ITPR1: variants seen among roughly 807,000 people sequenced by gnomAD.
The protein encoded by ITPR1 is inositol 1,4,5-trisphosphate-gated calcium channel ITPR1.
ITPR1 carries 96 observed loss-of-function variants against 318.4 expected under a neutral mutation model. That is an observed-to-expected ratio of 0.30 (90% CI 0.26 to 0.36). The LOEUF (loss-of-function observed/expected upper bound fraction) is 0.36. Ranked by LOEUF, ITPR1 falls within the 10% of genes least tolerant of loss-of-function variation. ITPR1 has a pLI of 1.00. For missense variants in ITPR1, 2,440 were observed against 3,460.2 expected, an observed-to-expected ratio of 0.71 and a Z score of 7.40; for synonymous variants, 1,312 against 1,289.9, an observed-to-expected ratio of 1.02 and a Z score of -0.37.
At chr3:4,794,210 A>C (rs985365605) in intron 52 of ITPR1, among the ~76,000 whole-genome samples, 1 of 152,246 alleles carries the variant, frequency 6.6e-6, no homozygotes, top group Non-Finnish European at 1.5e-5. Context: ...AAAAGAGTTC[A>C]GGGAAAAAGG....
intron 13 of ITPR1, among the ~76,000 whole-genome samples, chr3:4,658,569 C>T (rs905379790): frequency 3.3e-5 from 5 of 150,534 alleles, no homozygotes; most frequent in Admixed American, 1.3e-4. Context: ...CTTCCCCAAA[C>T]CTTGGGAGAG....
rs146988553 is a variant in ITPR1 at position 4,627,147 on chromosome 3, T to A, written c.164-616T>A. Among the ~76,000 whole-genome samples, 606 of 149,914 alleles carry A rather than the reference T, an allele frequency of 4.0e-3. 4 individuals are homozygous for A. Among genetic ancestry groups the A allele is most frequent in the Middle Eastern group, 0.02 (6 of 294 alleles). On this transcript the variant is annotated intron_variant, in intron 4 of 61. Transcript: ENST00000649015. Reference sequence around the variant, plus strand: ...GTAATATTTTTTCTAAATTGAATAGTACTGAAGAGAGTTGGATTTGTATAA... The same window carrying A: ...GTAATATTTTTTCTAAATTGAATAGAACTGAAGAGAGTTGGATTTGTATAA...
intron 51 of ITPR1, among the ~76,000 whole-genome samples, chr3:4,787,657 C>T (rs1033197859): frequency 6.6e-5 from 10 of 152,006 alleles, no homozygotes; most frequent in Non-Finnish European, 1.2e-4. Context: ...AAGATCGCAC[C>T]ACTGCACTCT....
intron 24 of ITPR1, among the ~76,000 whole-genome samples, chr3:4,679,883 G>A (rs1253724919): frequency 6.6e-6 from 1 of 152,194 alleles, no homozygotes; most frequent in Non-Finnish European, 1.5e-5. Flanking sequence ...ATGGCCACTG[G>A]ACTGGGAAAG....
Position 4,669,634 on chromosome 3 carries a change from TTGTTTC to T in ITPR1, c.1887-8_1887-3del, listed in dbSNP as rs766242846. On this transcript the variant is annotated splice_polypyrimidine_tract_variant and intron_variant, in intron 18 of 61. Transcript: ENST00000649015. ...CTCTGCTCTATCTACAGAAAATGTT[TTGTTTC>T]TGTTTCTGTTTAGATTCTTAGATTA... 30 of 1,601,960 alleles carry T rather than the reference TTGTTTC, an allele frequency of 1.9e-5. No individual in the cohort carries two copies. Among genetic ancestry groups the T allele is most frequent in the Non-Finnish European group, 2.5e-5 (29 of 1,173,246 alleles).
intron 36 of ITPR1, 82 bp from the exon 37 acceptor site, chr3:4,706,085 A>G: frequency 3.4e-6 from 5 of 1,472,110 alleles, no homozygotes; most frequent in Non-Finnish European, 4.7e-6. Context: ...AACCTGCTGG[A>G]TGGGGACTAG....
At chr3:4,708,395 A>C (rs1414886579) in intron 37 of ITPR1, among the ~76,000 whole-genome samples, 2 of 152,210 alleles carry the variant, frequency 1.3e-5, no homozygotes, top group Admixed American at 6.5e-5. Context: ...GTGTGGCTGG[A>C]GCCAGGAAGC....
At chr3:4,689,378 A>G (rs765229880) in intron 31 of ITPR1, among the ~76,000 whole-genome samples, 1 of 152,234 alleles carries the variant, frequency 6.6e-6, no homozygotes, top group Non-Finnish European at 1.5e-5. Flanking sequence ...ATTGTAGGAT[A>G]ATATAGGTTG....
rs2050767145 is a variant in ITPR1, at chr3:4,834,695, A to T, written c.8029-2079A>T. Among the ~76,000 whole-genome samples the T allele has an allele frequency of 2.6e-5, 4 of 152,142 alleles. No homozygotes were observed. In the South Asian group the frequency reaches 8.3e-4, roughly 31 times the overall value. On this transcript the variant is annotated intron_variant, in intron 60 of 61. Coordinates refer to ENST00000649015, the MANE Select transcript of ITPR1 (RefSeq NM_001378452.1). ...TGTCTGAAGGATTGACACAGGAGAG[A>T]TGAGTACAGTCAACGATAGGCCACT...
chr3:4,634,492 A>G (rs2093117478), intron 5 of ITPR1, among the ~76,000 whole-genome samples: 2 of 152,080 alleles, frequency 1.3e-5, no homozygotes, highest in South Asian at 4.1e-4. Context: ...GATTACAGAC[A>G]TGAGCCATGG....
At chr3:4,523,688 C>T (rs961857982) in intron 4 of ITPR1, among the ~76,000 whole-genome samples, 1 of 152,172 alleles carries the variant, frequency 6.6e-6, no homozygotes, top group Admixed American at 6.5e-5. Context: ...TCTTTCTGTG[C>T]CTGGCTTATT....
rs184539357 is a variant in ITPR1 at position 4,743,857 on chromosome 3, C to T, written c.5544+8503C>T. Reference sequence around the variant, plus strand: ...TGTCTGTTTGTTTGTTTGTTTGAGACGGAGTCTCACTATGTCACCCAAGCT... The same window carrying T: ...TGTCTGTTTGTTTGTTTGTTTGAGATGGAGTCTCACTATGTCACCCAAGCT... On this transcript the variant is annotated intron_variant, in intron 44 of 61. Transcript: ENST00000649015. Among the ~76,000 whole-genome samples, 444 of 152,292 alleles carry T rather than the reference C, an allele frequency of 2.9e-3. 2 individuals carry two copies. Among genetic ancestry groups the T allele is most frequent in the Non-Finnish European group, 4.9e-3 (330 of 68,018 alleles).
chr3:4,581,501 A>G (rs569268695), intron 4 of ITPR1, among the ~76,000 whole-genome samples: 11 of 152,306 alleles, frequency 7.2e-5, no homozygotes, highest in African/African-American at 2.4e-4. Flanking sequence ...TTGGGATGGT[A>G]GTGGTAATCT....
chr3:4,716,902 G>T (rs901850), intron 39 of ITPR1, among the ~76,000 whole-genome samples: 25,582 of 152,136 alleles, frequency 0.17, 2,755 homozygotes, highest in Non-Finnish European at 0.24. Context: ...TGAAGTTACA[G>T]CTGGTACCGT....
intron 52 of ITPR1, among the ~76,000 whole-genome samples, chr3:4,793,737 C>G (rs1490376144): frequency 8.6e-5 from 13 of 151,794 alleles, no homozygotes; most frequent in Admixed American, 8.5e-4. Flanking sequence ...AACAAGATCT[C>G]CACTGCTTCT....
In ITPR1 at chr3:4,666,651, G is replaced by C. The variant is rs116490836; in HGVS notation, c.1714-726G>C. On this transcript the variant is annotated intron_variant, in intron 17 of 61. Transcript: ENST00000649015. ...TCCTAAATAGTTAACCGGGATTTAG[G>C]AATTAATGGGAAAAAAATTAAAGCA... Among the ~76,000 whole-genome samples, 1,331 of 152,232 alleles carry C rather than the reference G, an allele frequency of 8.7e-3. 15 individuals are homozygous for C. Among genetic ancestry groups the C allele is most frequent in the African/African-American group, 0.03 (1,247 of 41,544 alleles).
At chr3:4,642,356 G>C (rs1472711118) in intron 7 of ITPR1, 105 bp downstream of exon 7, 2 of 855,252 alleles carry the variant, frequency 2.3e-6, no homozygotes, top group Non-Finnish European at 1.6e-6. Flanking sequence ...CCAGAGGCTT[G>C]TCCTGTGTAA....
At chr3:4,598,376 TTGGGAGAATGAAG>T (rs1398113387) in intron 4 of ITPR1, among the ~76,000 whole-genome samples, 1 of 152,158 alleles carries the variant, frequency 6.6e-6, no homozygotes, top group African/African-American at 2.4e-5. Context: ...TCTCAGCACT[TTGGGAGAATGAAG>T]TGGGTGAATC....
intron 36 of ITPR1, 92 bp downstream of exon 36, chr3:4,703,042 T>A: frequency 1.4e-6 from 2 of 1,390,372 alleles, no homozygotes; most frequent in East Asian, 4.7e-5. Flanking sequence ...ATTACAACTC[T>A]TCTAAAGTTA....
Sources: allele counts gnomAD v4.1 joint callset (sites outside exome capture counted in the v4.1 genomes callset), GRCh38; gene constraint gnomAD v4.1.1; transcripts MANE v1.5; gene names NCBI Gene and HGNC (gene_info 2026-07-23, HGNC 2026-07-21).